The following DHRSX variants were observed in gnomAD, a reference collection of about 807,000 sequenced individuals.
DHRSX encodes the protein polyprenol dehydrogenase.
DHRSX carries 31 observed loss-of-function variants against 34.0 expected under a neutral mutation model. That is an observed-to-expected ratio of 0.91 (90% CI 0.69 to 1.23). The LOEUF is 1.23. Among genes scored for constraint, DHRSX ranks in the 50% most tolerant of loss-of-function variants. DHRSX has a pLI of 0.00. For synonymous variants in DHRSX, 201 were observed against 183.8 expected, an observed-to-expected ratio of 1.09 and a Z score of -0.76; for missense variants, 414 against 428.1, an observed-to-expected ratio of 0.97 and a Z score of 0.29.
intron 1 of DHRSX, among the ~76,000 whole-genome samples, chrX:2,479,948 C>G (rs2044744469): frequency 6.6e-6 from 1 of 152,154 alleles, no homozygotes; most frequent in Admixed American, 6.5e-5. Context: ...TCACTAAAGT[C>G]CAGAAACGGG....
At chrX:2,282,782 G>A (rs748252001) in intron 4 of DHRSX, among the ~76,000 whole-genome samples, 1 of 61,196 alleles carries the variant, frequency 1.6e-5, no homozygotes, top group East Asian at 3.7e-4. Context: ...GGGAGGGAGG[G>A]GGAGAGAGAG....
intron 1 of DHRSX, chrX:2,486,705 T>C (rs944620059): frequency 2.6e-4 from 39 of 152,404 alleles, no homozygotes; most frequent in African/African-American, 9.1e-4. Flanking sequence ...TGCCCCACTG[T>C]GTCCCTTCCA....
At chrX:2,243,667 C>T (rs1164054287) in intron 5 of DHRSX, among the ~76,000 whole-genome samples, 4 of 151,414 alleles carry the variant, frequency 2.6e-5, no homozygotes, top group African/African-American at 4.8e-5. Flanking sequence ...TTTGTATTTT[C>T]AGCAAAGATG....
At chrX:2,390,610 T>C (rs2043324611) in intron 3 of DHRSX, among the ~76,000 whole-genome samples, 1 of 152,230 alleles carries the variant, frequency 6.6e-6, no homozygotes, top group Non-Finnish European at 1.5e-5. Context: ...ATGGAAACTC[T>C]GTTCCCATTA....
chrX:2,243,110 G>A lies in DHRSX; in HGVS notation c.717C>T (p.Asp239=), dbSNP rs34535103. 0.012 allele frequency: 19,552 copies of A among 1,613,878 alleles called. 253 individuals carry two copies. Among genetic ancestry groups the A allele is most frequent in the Middle Eastern group, 0.048 (292 of 6,044 alleles). The change falls in exon 6 of 7, where the codon GAC becomes GAT. Residue 239 remains aspartate, a synonymous_variant. Transcript: ENST00000334651. The part of the protein sequence containing the change: ...EGSHVTANVV[D]PGVVNTDVYK... ...AGACGTCCGTGTTGACCACCCCGGGGTCCACCACGTTGGCGGTCACGTGGC... is the reference window on the plus strand; with the variant it reads ...AGACGTCCGTGTTGACCACCCCGGGATCCACCACGTTGGCGGTCACGTGGC...
At chrX:2,467,932 C>T (rs1180969759) in intron 1 of DHRSX, among the ~76,000 whole-genome samples, 1 of 149,586 alleles carries the variant, frequency 6.7e-6, no homozygotes, top group African/African-American at 2.5e-5. Context: ...CACTGCACTC[C>T]AGCCTGGGCG....
intron 1 of DHRSX, among the ~76,000 whole-genome samples, chrX:2,450,979 A>C (rs1169693929): frequency 6.6e-6 from 1 of 152,078 alleles, no homozygotes; most frequent in Non-Finnish European, 1.5e-5. Context: ...GAGAAAATGC[A>C]TCATCTATGA....
chrX:2,269,908 G>A (rs1460691683), intron 4 of DHRSX, among the ~76,000 whole-genome samples: 1 of 152,128 alleles, frequency 6.6e-6, no homozygotes, highest in African/African-American at 2.4e-5. Context: ...ATTTGTGTAT[G>A]TATATGTACA....
At chrX:2,426,565 C>CT (rs781137216) in intron 1 of DHRSX, among the ~76,000 whole-genome samples, 161 of 146,278 alleles carry the variant, frequency 1.1e-3, no homozygotes, top group Middle Eastern at 3.7e-3. Context: ...TTCCTTCCCT[C>CT]TTTCTTTTCT....
intron 1 of DHRSX, chrX:2,489,932 T>C: frequency 1.2e-6 from 2 of 1,613,864 alleles, no homozygotes; most frequent in Non-Finnish European, 8.5e-7. Context: ...CCCGAAGACC[T>C]TGGCGCTGAT....
At chrX:2,360,962 A>G (rs2042926177) in intron 3 of DHRSX, among the ~76,000 whole-genome samples, 2 of 152,144 alleles carry the variant, frequency 1.3e-5, no homozygotes, top group Admixed American at 1.3e-4. Flanking sequence ...GAATGAGGAA[A>G]TGGCTTTTCC....
chrX:2,439,712 A>G (rs2044039942), intron 1 of DHRSX, among the ~76,000 whole-genome samples: 1 of 152,122 alleles, frequency 6.6e-6, no homozygotes, highest in Non-Finnish European at 1.5e-5. Flanking sequence ...TTAGATTTTC[A>G]TACGGAGCAC....
intron 1 of DHRSX, among the ~76,000 whole-genome samples, chrX:2,483,889 C>G (rs749466727): frequency 6.7e-6 from 1 of 149,696 alleles, no homozygotes; most frequent in East Asian, 2.0e-4. Context: ...CATTTTTTTT[C>G]TGAATTTCTT....
At chrX:2,355,493 CA>C (rs2042837496) in intron 3 of DHRSX, among the ~76,000 whole-genome samples, 1 of 111,774 alleles carries the variant, frequency 8.9e-6, no homozygotes, top group Admixed American at 1.4e-4. Flanking sequence ...GCCTGGGTGA[CA>C]AGAGCGAGAC....
At chrX:2,371,404 A>ATTACCATAGACCCTCCTTTCG (rs752416128) in intron 3 of DHRSX, among the ~76,000 whole-genome samples, 28,790 of 143,016 alleles carry the variant, frequency 0.2, 3,252 homozygotes, top group Middle Eastern at 0.26. Context: ...CCCTTCTCAC[A>ATTACCATAGACCCTCCTTTCG]TTACCATAGT....
intron 6 of DHRSX, among the ~76,000 whole-genome samples, chrX:2,240,541 AACAG>A (rs34372212): frequency 0.027 from 4,152 of 151,806 alleles, 208 homozygotes; most frequent in African/African-American, 0.095. Flanking sequence ...AGCTTGATGA[AACAG>A]ACAATTACCT....
At chrX:2,457,668 C>T (rs982252672) in intron 1 of DHRSX, among the ~76,000 whole-genome samples, 5 of 151,352 alleles carry the variant, frequency 3.3e-5, no homozygotes, top group African/African-American at 1.2e-4. Flanking sequence ...AAGATGGTTC[C>T]CCTAAGCATG....
In DHRSX at chrX:2,340,548, C is replaced by T. The variant is rs140819516; in HGVS notation, c.287-48945G>A. ...TAATGTCCATCAAGGTACATACACACGTTCACGGACATTATTGCCTGTGGA... is the reference window on the plus strand; with the variant it reads ...TAATGTCCATCAAGGTACATACACATGTTCACGGACATTATTGCCTGTGGA... On this transcript the variant is annotated intron_variant, in intron 3 of 6. Transcript: ENST00000334651. Among the ~76,000 whole-genome samples the T allele has an allele frequency of 3.9e-3, 595 of 152,090 alleles. 7 individuals carry two copies. The highest frequency in any genetic ancestry group is 0.014 in the African/African-American group (563 of 41,526).
At chrX:2,494,359 G>T (rs942822626) in intron 1 of DHRSX, among the ~76,000 whole-genome samples, 30 of 151,802 alleles carry the variant, frequency 2.0e-4, no homozygotes, top group African/African-American at 6.5e-4. Flanking sequence ...GCTGAAAGAG[G>T]TTCTAGAACC....
Sources: gnomAD v4.1 joint callset for allele counts (sites outside exome capture counted in the v4.1 genomes callset) on GRCh38, gnomAD v4.1.1 for gene constraint, MANE v1.5 for transcripts, NCBI Gene and HGNC (gene_info 2026-07-23, HGNC 2026-07-21) for gene names.